ATP8A2: variants seen among roughly 807,000 people sequenced by gnomAD.
The protein encoded by ATP8A2 is ATPase phospholipid transporting 8A2, also known as phospholipid-transporting ATPase IB.
Under a neutral mutation model 165.6 loss-of-function variants are expected in ATP8A2, and 100 were observed. That is an observed-to-expected ratio of 0.60 (90% CI 0.51 to 0.71). The LOEUF is 0.71. Ranked by LOEUF, ATP8A2 falls within the 30% of genes least tolerant of loss-of-function variation. The probability of loss-of-function intolerance (pLI) is 0.00; values close to 1 mark genes in which losing one functional copy is unlikely to be tolerated. For missense variants in ATP8A2, 1,227 were observed against 1,479.5 expected (o/e 0.83, Z 2.80); for synonymous variants, 543 against 548.8 (o/e 0.99, Z 0.15).
chr13:25,675,145 A>T (rs1359923597), intron 24 of ATP8A2, among the ~76,000 whole-genome samples: 8 of 152,214 alleles, frequency 5.3e-5, no homozygotes, highest in Admixed American at 2.6e-4. Context: ...TGAAGCAGAC[A>T]TGGTGGAGCC....
chr13:25,756,586 T>C (rs1167151181), intron 25 of ATP8A2, among the ~76,000 whole-genome samples: 1 of 152,212 alleles, frequency 6.6e-6, no homozygotes, highest in Admixed American at 6.5e-5. Flanking sequence ...TGCTTGTGTT[T>C]AGTCTTGTCT....
At chr13:25,908,469 T>C (rs550624271) in intron 33 of ATP8A2, among the ~76,000 whole-genome samples, 1 of 152,370 alleles carries the variant, frequency 6.6e-6, no homozygotes, top group East Asian at 1.9e-4. Flanking sequence ...CCGAGATTGT[T>C]CTTCCTATTT....
chr13:25,652,536 G>A (rs2041837537), intron 24 of ATP8A2, among the ~76,000 whole-genome samples: 1 of 152,018 alleles, frequency 6.6e-6, no homozygotes, highest in Non-Finnish European at 1.5e-5. Flanking sequence ...AAAAATTTAG[G>A]ATATTTTTCA....
chr13:25,438,464 C>A (rs1032119333), intron 1 of ATP8A2, among the ~76,000 whole-genome samples: 1 of 151,924 alleles, frequency 6.6e-6, no homozygotes, highest in Admixed American at 6.6e-5. Flanking sequence ...GCAACAGAGA[C>A]CTGCATCTCT....
chr13:26,003,956 C>T (rs1956687664), intron 35 of ATP8A2, among the ~76,000 whole-genome samples: 1 of 152,074 alleles, frequency 6.6e-6, no homozygotes, highest in African/African-American at 2.4e-5. Flanking sequence ...GAGTGTGATG[C>T]CTTCAGCCTT....
At chr13:25,732,039 A>G (rs1486473966) in intron 25 of ATP8A2, among the ~76,000 whole-genome samples, 1 of 152,096 alleles carries the variant, frequency 6.6e-6, no homozygotes, top group African/African-American at 2.4e-5. Context: ...CAGCCTCTCC[A>G]CATTCTCTGT....
chr13:25,905,285 C>T (rs1245766723), intron 33 of ATP8A2, among the ~76,000 whole-genome samples: 9 of 152,110 alleles, frequency 5.9e-5, no homozygotes, highest in Non-Finnish European at 4.4e-5. Context: ...TAAGTGACAT[C>T]TCTTATACAC....
chr13:25,774,990 GA>G, intron 27 of ATP8A2, 31 bp downstream of exon 27: 2 of 1,282,350 alleles, frequency 1.6e-6, no homozygotes, highest in Non-Finnish European at 2.2e-6. Flanking sequence ...TCCTTGAAGA[GA>G]AAGTTCTTTT....
At position 25,699,357 on chromosome 13, in the gene ATP8A2, C is replaced by T. The variant is rs767424197; in HGVS notation, c.2384+12C>T. 6.2e-7 allele frequency: 1 copy of T among 1,600,986 alleles called. No individual in the cohort carries two copies. The highest frequency in any genetic ancestry group is 8.5e-7 in the Non-Finnish European group (1 of 1,172,684). Reference sequence around the variant, plus strand: ...GTCATATGCTGCAGGTAGGAACCTGCAGGCTGTGCACAGTTCACACTCTGC... The same window carrying T: ...GTCATATGCTGCAGGTAGGAACCTGTAGGCTGTGCACAGTTCACACTCTGC... On this transcript the variant is annotated intron_variant, in intron 25 of 36. Coordinates refer to ENST00000381655, the MANE Select transcript of ATP8A2 (RefSeq NM_016529.6).
intron 36 of ATP8A2, among the ~76,000 whole-genome samples, chr13:26,017,778 A>T (rs1003470839): frequency 6.6e-6 from 1 of 152,202 alleles, no homozygotes; most frequent in East Asian, 1.9e-4. Flanking sequence ...TGGCACAAGC[A>T]TATCCGCCCC....
At chr13:25,954,411 G>T (rs1293469644) in intron 33 of ATP8A2, among the ~76,000 whole-genome samples, 4 of 152,248 alleles carry the variant, frequency 2.6e-5, no homozygotes, top group African/African-American at 9.6e-5. Context: ...CCTGGGGGAA[G>T]GGGCAGCTGT....
At chr13:25,506,110 G>A (rs1593419892) in intron 2 of ATP8A2, among the ~76,000 whole-genome samples, 2 of 152,166 alleles carry the variant, frequency 1.3e-5, no homozygotes, top group East Asian at 1.9e-4. Flanking sequence ...GGACAGTTAC[G>A]TTTAGCTTTG....
chr13:25,978,797 G>C (rs1223701122), intron 35 of ATP8A2, among the ~76,000 whole-genome samples: 1 of 152,074 alleles, frequency 6.6e-6, no homozygotes, highest in East Asian at 1.9e-4. Flanking sequence ...AAAATTAGCC[G>C]GGCTTGGTGG....
At chr13:25,715,301 T>G (rs563383399) in intron 25 of ATP8A2, among the ~76,000 whole-genome samples, 1 of 152,222 alleles carries the variant, frequency 6.6e-6, no homozygotes, top group Admixed American at 6.5e-5. Flanking sequence ...AGCAAAGGAA[T>G]GATGTGGTCA....
chr13:25,794,606 G>A (rs1238926528), intron 27 of ATP8A2, among the ~76,000 whole-genome samples: 1 of 152,100 alleles, frequency 6.6e-6, no homozygotes, highest in Non-Finnish European at 1.5e-5. Context: ...CTTGATTATG[G>A]TGGTTACACA....
chr13:25,675,861 C>T (rs2042361518), intron 24 of ATP8A2, among the ~76,000 whole-genome samples: 2 of 152,032 alleles, frequency 1.3e-5, no homozygotes, highest in Non-Finnish European at 2.9e-5. Flanking sequence ...GTTGAAATGC[C>T]ATAATTAATC....
At chr13:25,549,250 G>A (rs767592279) in intron 10 of ATP8A2, among the ~76,000 whole-genome samples, 12 of 152,050 alleles carry the variant, frequency 7.9e-5, no homozygotes, top group Non-Finnish European at 1.5e-4. Context: ...ACAAGGTCAG[G>A]AGATTGAGAC....
chr13:25,409,304 A>G (rs1321524734), intron 1 of ATP8A2, among the ~76,000 whole-genome samples: 2 of 152,202 alleles, frequency 1.3e-5, no homozygotes, highest in Non-Finnish European at 2.9e-5. Context: ...AATTATGGAC[A>G]TTTATATATC....
At chr13:25,573,577 C>T (rs959663995) in intron 18 of ATP8A2, among the ~76,000 whole-genome samples, 2 of 152,176 alleles carry the variant, frequency 1.3e-5, no homozygotes, top group Non-Finnish European at 2.9e-5. Context: ...AACAAATTCT[C>T]AAATTCCTAC....
Sources: gnomAD v4.1 joint callset for allele counts (sites outside exome capture counted in the v4.1 genomes callset) on GRCh38, gnomAD v4.1.1 for gene constraint, MANE v1.5 for transcripts, NCBI Gene and HGNC (gene_info 2026-07-23, HGNC 2026-07-21) for gene names.